NEDD4: variants seen among roughly 807,000 people sequenced by gnomAD.
NEDD4 encodes NEDD4 E3 ubiquitin protein ligase, also known as E3 ubiquitin-protein ligase NEDD4.
NEDD4 carries 99 observed loss-of-function variants against 144.9 expected under a neutral mutation model. The observed-to-expected ratio is 0.68, with a 90% CI of 0.58 to 0.81. NEDD4 has a LOEUF of 0.81. NEDD4 is among the 30% of genes least tolerant of loss of function. NEDD4 has a pLI of 0.00. For missense variants in NEDD4, 985 were observed against 1,065.9 expected (o/e 0.92, Z 1.06); for synonymous variants, 318 against 350.6 (o/e 0.91, Z 1.04).
chr15:55,993,165 G>A (rs879646772), intron 1 of NEDD4, among the ~76,000 whole-genome samples: 13 of 152,216 alleles, frequency 8.5e-5, no homozygotes, highest in Non-Finnish European at 1.8e-4. Context: ...CCGCACACCC[G>A]GCGGGGGTGG....
intron 1 of NEDD4, among the ~76,000 whole-genome samples, chr15:55,977,803 T>C (rs1184070200): frequency 2.0e-5 from 3 of 152,054 alleles, no homozygotes; most frequent in Non-Finnish European, 4.4e-5. Context: ...ACAGGCCAAC[T>C]GAAATATTCC....
chr15:55,908,273 C>A (rs74015333), intron 5 of NEDD4, among the ~76,000 whole-genome samples: 2,929 of 152,232 alleles, frequency 0.019, 108 homozygotes, highest in African/African-American at 0.068. Context: ...AATCTGAGCC[C>A]AGAAAAGATT....
intron 1 of NEDD4, among the ~76,000 whole-genome samples, chr15:55,990,509 G>T (rs1478430833): frequency 6.6e-6 from 1 of 152,146 alleles, no homozygotes; most frequent in Non-Finnish European, 1.5e-5. Flanking sequence ...TACAAAGCAA[G>T]TTACCAGATA....
At chr15:55,979,339 C>CTTTTTTT (rs71110358) in intron 1 of NEDD4, among the ~76,000 whole-genome samples, 1 of 66,048 alleles carries the variant, frequency 1.5e-5, no homozygotes, top group Non-Finnish European at 2.7e-5. Flanking sequence ...GTTTTTACCT[C>CTTTTTTT]TTTTTTTTTT....
At position 55,834,277 on chromosome 15, in the gene NEDD4, C is replaced by T; in HGVS notation, c.2272G>A (p.Glu758Lys). The part of the protein sequence containing the change: ...QMAAFKEGFF[E>K]LIPQDLIKIF... The stretch of plus-strand genomic sequence containing the variant: ...TTGATGAGATCCTGTGGTATTAGTT[C>T]AAAGAATCCCTAGAAAAAAGATGTA... Residue 758 changes from glutamate to lysine, a missense_variant, in exon 25 of 29, where the codon GAA becomes AAA. Transcript: ENST00000435532. 1 of 1,602,898 alleles carries T rather than the reference C, an allele frequency of 6.2e-7. No homozygotes were observed. The highest frequency in any genetic ancestry group is 8.5e-7 in the Non-Finnish European group (1 of 1,170,544).
Position 55,838,078 on chromosome 15 carries a change from A to C in NEDD4, c.2201+29T>G, listed in dbSNP as rs779540155. On this transcript the variant is annotated intron_variant, in intron 23 of 28. Coordinates refer to ENST00000435532, the MANE Select transcript of NEDD4 (RefSeq NM_006154.4). ...TGGAATAAAGTACAAAATTATATCC[A>C]ATAAAATACATACTAATAAAATACT... 3 of 1,263,668 alleles carry C rather than the reference A, an allele frequency of 2.4e-6. No homozygotes were observed. The African/African-American group carries it at 4.4e-5, about 19-fold the overall frequency. The allele number at this position is 1,263,668 out of a possible 1,614,324, so 78.3% of individuals were successfully genotyped here. A position where few individuals can be genotyped will look rare whatever the true frequency, so the allele number is the denominator to read the frequency against.
chr15:55,956,911 T>C (rs1213946163), intron 2 of NEDD4, among the ~76,000 whole-genome samples: 1 of 152,196 alleles, frequency 6.6e-6, no homozygotes, highest in Non-Finnish European at 1.5e-5. Context: ...CCTAACACTA[T>C]TGAGTCTTCT....
At chr15:55,946,919 A>G (rs1296468055) in intron 4 of NEDD4, among the ~76,000 whole-genome samples, 10 of 152,228 alleles carry the variant, frequency 6.6e-5, no homozygotes, top group African/African-American at 9.6e-5. Context: ...TGGGTACATA[A>G]CGAAATGAAG....
At position 55,846,838 on chromosome 15, in the gene NEDD4, T is replaced by C. The variant is rs181935571; in HGVS notation, c.1608+131A>G. 9.9e-5 allele frequency: 52 copies of C among 523,820 alleles called. No individual in the cohort carries two copies. The Admixed American group carries it at 1.8e-3, about 18-fold the overall frequency. 32.4% of individuals were successfully genotyped at this position (523,820 alleles called of 1,614,324 possible). ...ACAGCTACTCAAAAAATGAGCATCCTTTCTCTAGGAAAAACTGTTCACTCA... is the reference window on the plus strand; with the variant it reads ...ACAGCTACTCAAAAAATGAGCATCCCTTCTCTAGGAAAAACTGTTCACTCA... On this transcript the variant is annotated intron_variant, in intron 18 of 28. Coordinates refer to ENST00000435532, the MANE Select transcript of NEDD4 (RefSeq NM_006154.4).
intron 1 of NEDD4, among the ~76,000 whole-genome samples, chr15:55,974,422 C>T (rs1215227064): frequency 2.0e-5 from 3 of 151,916 alleles, no homozygotes; most frequent in Admixed American, 6.6e-5. Flanking sequence ...TTCTATAAGG[C>T]CAATATTACT....
intron 4 of NEDD4, among the ~76,000 whole-genome samples, chr15:55,942,447 T>C (rs2037024881): frequency 6.6e-6 from 1 of 152,198 alleles, no homozygotes; most frequent in Non-Finnish European, 1.5e-5. Flanking sequence ...GACTTCCCCC[T>C]TGCTGCTCTG....
rs868681370 is a variant in NEDD4, at chr15:55,863,230, T to C, written c.508-151A>G. On this transcript the variant is annotated intron_variant, in intron 8 of 28. Transcript: ENST00000435532. ...AAACAATCCTCAACTTTTAAGACCA[T>C]AATGTAAATACTTTATGATAATGAA... is the stretch of plus-strand genomic sequence containing the variant. The C allele has an allele frequency of 2.5e-5, 15 of 591,484 alleles. No individual in the cohort carries two copies. The African/African-American group carries it at 2.7e-4, about 11-fold the overall frequency. 36.6% of individuals were successfully genotyped at this position (591,484 alleles called of 1,614,324 possible). A position where few individuals can be genotyped will look rare whatever the true frequency, so the allele number is the denominator to read the frequency against.
chr15:55,865,515 C>A (rs1236684189), intron 8 of NEDD4, among the ~76,000 whole-genome samples: 1 of 151,098 alleles, frequency 6.6e-6, no homozygotes, highest in African/African-American at 2.4e-5. Context: ...TAACAAAACA[C>A]CCACATTTGT....
At chr15:55,993,459 C>G (rs2038021943) in intron 1 of NEDD4, 52 bp downstream of exon 1, 3 of 1,582,272 alleles carry the variant, frequency 1.9e-6, no homozygotes, top group East Asian at 2.5e-5. Flanking sequence ...CCGGGTCCGG[C>G]TGCTGAATAA....
chr15:55,934,797 T>G (rs2036852234), intron 4 of NEDD4: 1 of 150,998 alleles, frequency 6.6e-6, no homozygotes, highest in Admixed American at 6.6e-5. Context: ...TTATTAAAAT[T>G]TTATTTTATT....
At chr15:55,927,809 T>A (rs912790134) in intron 4 of NEDD4, among the ~76,000 whole-genome samples, 6 of 151,620 alleles carry the variant, frequency 4.0e-5, no homozygotes, top group Non-Finnish European at 8.8e-5. Context: ...AGGCAGGGAG[T>A]CAGCAGAGCT....
chr15:55,877,385 G>A (rs2035032161), intron 5 of NEDD4, among the ~76,000 whole-genome samples: 2 of 151,820 alleles, frequency 1.3e-5, no homozygotes, highest in South Asian at 4.1e-4. Context: ...TGCATTTTTT[G>A]CAAGAATACC....
At chr15:55,945,776 C>A (rs1426840563) in intron 4 of NEDD4, among the ~76,000 whole-genome samples, 1 of 151,956 alleles carries the variant, frequency 6.6e-6, no homozygotes, top group Non-Finnish European at 1.5e-5. Flanking sequence ...TGAGGTTACC[C>A]ACTAAGAGAA....
At chr15:55,903,845 C>CATATAT (rs34829007) in intron 5 of NEDD4, among the ~76,000 whole-genome samples, 16 of 122,324 alleles carry the variant, frequency 1.3e-4, no homozygotes, top group South Asian at 8.2e-4. Flanking sequence ...AAAAAACACA[C>CATATAT]ATATATATAT....
Sources: allele counts gnomAD v4.1 joint callset (sites outside exome capture counted in the v4.1 genomes callset), GRCh38; gene constraint gnomAD v4.1.1; transcripts MANE v1.5; gene names NCBI Gene and HGNC (gene_info 2026-07-23, HGNC 2026-07-21).